Variants in ITGBL1 observed in about 807,000 individuals in gnomAD.
ITGBL1 encodes the protein integrin subunit beta like 1.
In ITGBL1, 51 loss-of-function variants were observed where a neutral mutation model predicts 68.5. The ratio of observed to expected loss-of-function variants is 0.74; its 90% confidence interval spans 0.59 to 0.94. ITGBL1 has a LOEUF of 0.94. Ranked by LOEUF, ITGBL1 falls within the 40% of genes least tolerant of loss-of-function variation. The pLI is 0.00. For missense variants in ITGBL1, 649 were observed against 647.4 expected (o/e 1.00, Z -0.03); for synonymous variants, 209 against 227.3 (o/e 0.92, Z 0.72).
At chr13:101,677,830 T>A (rs2033541951) in intron 7 of ITGBL1, among the ~76,000 whole-genome samples, 1 of 152,198 alleles carries the variant, frequency 6.6e-6, no homozygotes, top group African/African-American at 2.4e-5. Context: ...GCTTATTATG[T>A]TTCTGGCATT....
intron 7 of ITGBL1, among the ~76,000 whole-genome samples, chr13:101,688,324 A>T (rs1224808391): frequency 6.6e-6 from 1 of 152,140 alleles, no homozygotes; most frequent in Non-Finnish European, 1.5e-5. Flanking sequence ...AAAGGTGACA[A>T]TTCTTCCAGG....
chr13:101,571,145 C>T (rs2050265466), intron 3 of ITGBL1, among the ~76,000 whole-genome samples: 1 of 152,086 alleles, frequency 6.6e-6, no homozygotes, highest in African/African-American at 2.4e-5. Flanking sequence ...ATTTGCATGT[C>T]CCATTTTCAC....
rs942991316 is a variant in ITGBL1, at chr13:101,547,390, A to T, written c.317-20309A>T. On this transcript the variant is annotated intron_variant, in intron 2 of 10. Coordinates refer to ENST00000376180, the MANE Select transcript of ITGBL1 (RefSeq NM_004791.3). The stretch of plus-strand genomic sequence containing the variant: ...CTTTTCTAAGAATTGATATTTAATG[A>T]CTTTATTTTTAATTAAAAGATTAAT... Among the ~76,000 whole-genome samples the T allele has an allele frequency of 2.6e-5, 4 of 151,864 alleles. No homozygotes were observed. In the South Asian group the frequency reaches 8.3e-4, roughly 32 times the overall value.
In ITGBL1 at chr13:101,532,239, T is replaced by C. The variant is rs559963266; in HGVS notation, c.317-35460T>C. On this transcript the variant is annotated intron_variant, in intron 2 of 10. Transcript: ENST00000376180. ...TATGTAAAGAAGTACACAAAATCAT[T>C]TTCAGTAATTCTCTCCTTATCCAAG... is the stretch of plus-strand genomic sequence containing the variant. Among the ~76,000 whole-genome samples, 4 of 152,270 alleles carry C rather than the reference T, an allele frequency of 2.6e-5. No homozygotes were observed. The South Asian group carries it at 8.3e-4, about 32-fold the overall frequency.
At chr13:101,698,760 AT>A (rs762599659) in intron 8 of ITGBL1, among the ~76,000 whole-genome samples, 13 of 152,240 alleles carry the variant, frequency 8.5e-5, no homozygotes, top group Admixed American at 1.3e-4. Context: ...AGTGAAATAT[AT>A]TCACATACTG....
In ITGBL1 at chr13:101,706,766, A is replaced by C. The variant is rs758973670; in HGVS notation, c.1143A>C (p.Thr381=). 42 of 1,613,976 alleles carry C rather than the reference A, an allele frequency of 2.6e-5. No individual in the cohort carries two copies. The highest frequency in any genetic ancestry group is 2.2e-4 in the Admixed American group (13 of 60,000). Residue 381 remains threonine, a synonymous_variant, in exon 9 of 11, where the codon ACA becomes ACC. Coordinates refer to ENST00000376180, the MANE Select transcript of ITGBL1 (RefSeq NM_004791.3). ...LDGVVCGGHG[T]CSCGRCVCER... is the part of the protein sequence containing the mutation. The stretch of plus-strand genomic sequence containing the variant: ...GTGGTTGCTTCACAGGCCACGGCAC[A>C]TGTTCCTGTGGTCGCTGTGTTTGTG...
At chr13:101,521,408 G>T (rs1339007998) in intron 2 of ITGBL1, among the ~76,000 whole-genome samples, 1 of 152,200 alleles carries the variant, frequency 6.6e-6, no homozygotes, top group Non-Finnish European at 1.5e-5. Context: ...ATGGGAGGGA[G>T]GATCAGGGAT....
chr13:101,616,920 T>A (rs544637746), intron 7 of ITGBL1, among the ~76,000 whole-genome samples: 1 of 152,130 alleles, frequency 6.6e-6, no homozygotes, highest in African/African-American at 2.4e-5. Context: ...CCCCAGAGGA[T>A]GGTTAGGTAT....
Position 101,601,779 on chromosome 13 carries a change from G to A in ITGBL1, c.1015+3480G>A, listed in dbSNP as rs575077417. Among the ~76,000 whole-genome samples the A allele has an allele frequency of 3.9e-5, 6 of 152,204 alleles. No individual in the cohort carries two copies. In the East Asian group the frequency reaches 7.7e-4, roughly 20 times the overall value. On this transcript the variant is annotated intron_variant, in intron 7 of 10. Transcript: ENST00000376180. Reference sequence around the variant, plus strand: ...GTTTCTTAATCCTGAGTTCTAGTTTGATTGCACTGTGGTCTGAGAGACAGT... The same window carrying A: ...GTTTCTTAATCCTGAGTTCTAGTTTAATTGCACTGTGGTCTGAGAGACAGT...
chr13:101,610,710 C>T (rs7994486), intron 7 of ITGBL1, among the ~76,000 whole-genome samples: 171 of 152,178 alleles, frequency 1.1e-3, no homozygotes, highest in African/African-American at 4.0e-3. Context: ...GAGCACAGGG[C>T]CCACAAAGCC....
intron 7 of ITGBL1, among the ~76,000 whole-genome samples, chr13:101,650,172 A>G (rs2032698454): frequency 1.3e-5 from 2 of 152,238 alleles, no homozygotes; most frequent in Admixed American, 1.3e-4. Context: ...CTTTTTGATT[A>G]AAGTAAATGT....
chr13:101,531,639 G>A (rs1248212070), intron 2 of ITGBL1, among the ~76,000 whole-genome samples: 1 of 151,434 alleles, frequency 6.6e-6, no homozygotes, highest in Non-Finnish European at 1.5e-5. Context: ...TATTTCTTAA[G>A]TAGTTTAGGT....
Position 101,713,076 on chromosome 13 carries a change from T to C in ITGBL1, c.1280-1362T>C, listed in dbSNP as rs539625717. 9 of 152,320 alleles carry C rather than the reference T, an allele frequency of 5.9e-5. No homozygotes were observed. In the South Asian group the frequency reaches 1.9e-3, roughly 32 times the overall value. The allele number at this position is 152,320 out of a possible 1,614,324, so 9.4% of individuals were successfully genotyped here. On this transcript the variant is annotated intron_variant, in intron 9 of 10. Coordinates refer to ENST00000376180, the MANE Select transcript of ITGBL1 (RefSeq NM_004791.3). ...AAGTTAAAAAACACAATTGTCACAA[T>C]CTAAATAATTCTGACTGCACTCTTA...
chr13:101,476,617 C>T (rs1299238664), intron 2 of ITGBL1, among the ~76,000 whole-genome samples: 4 of 151,958 alleles, frequency 2.6e-5, no homozygotes, highest in African/African-American at 9.7e-5. Flanking sequence ...CACACTTCAT[C>T]TGTAAGACAC....
intron 2 of ITGBL1, among the ~76,000 whole-genome samples, chr13:101,543,620 G>T (rs894271983): frequency 1.3e-5 from 2 of 152,134 alleles, no homozygotes; most frequent in African/African-American, 4.8e-5. Flanking sequence ...GCTAGATTGG[G>T]GAAGTTCTGC....
intron 7 of ITGBL1, among the ~76,000 whole-genome samples, chr13:101,599,041 C>T (rs2030182588): frequency 1.3e-5 from 2 of 152,216 alleles, no homozygotes; most frequent in African/African-American, 4.8e-5. Flanking sequence ...AACTAGTTTA[C>T]AGTCCCACCA....
intron 2 of ITGBL1, among the ~76,000 whole-genome samples, chr13:101,492,891 T>G (rs189528263): frequency 6.6e-6 from 1 of 152,310 alleles, no homozygotes; most frequent in Non-Finnish European, 1.5e-5. Flanking sequence ...ATCCTAAACT[T>G]CCTCACTCCC....
intron 2 of ITGBL1, among the ~76,000 whole-genome samples, chr13:101,510,989 G>C (rs1475647458): frequency 6.6e-6 from 1 of 152,032 alleles, no homozygotes; most frequent in African/African-American, 2.4e-5. Flanking sequence ...TGCAGAAGAA[G>C]CTCTTTAGTT....
intron 7 of ITGBL1, among the ~76,000 whole-genome samples, chr13:101,666,306 A>G (rs2033215766): frequency 6.6e-6 from 1 of 152,002 alleles, no homozygotes; most frequent in Non-Finnish European, 1.5e-5. Flanking sequence ...CTCCTCTTAA[A>G]TTCTTGGACT....
Sources: allele counts gnomAD v4.1 joint callset (sites outside exome capture counted in the v4.1 genomes callset), GRCh38; gene constraint gnomAD v4.1.1; transcripts MANE v1.5; gene names NCBI Gene and HGNC (gene_info 2026-07-23, HGNC 2026-07-21).